UBFD1: variants seen among roughly 807,000 people sequenced by gnomAD.
UBFD1 encodes ubiquitin domain-containing protein UBFD1.
UBFD1 carries 12 observed loss-of-function variants against 35.1 expected under a neutral mutation model. The ratio of observed to expected loss-of-function variants is 0.34; its 90% confidence interval spans 0.22 to 0.55. UBFD1 has a LOEUF of 0.55. UBFD1 is among the 20% of genes least tolerant of loss of function. The probability of loss-of-function intolerance (pLI) is 0.89; values close to 1 mark genes in which losing one functional copy is unlikely to be tolerated. For synonymous variants in UBFD1, 178 were observed against 167.6 expected, an observed-to-expected ratio of 1.06 and a Z score of -0.48; for missense variants, 337 against 410.8, an observed-to-expected ratio of 0.82 and a Z score of 1.55.
intron 5 of UBFD1, chr16:23,565,316 A>T (rs532128731): frequency 6.6e-6 from 1 of 152,348 alleles, no homozygotes; most frequent in South Asian, 2.1e-4. Flanking sequence ...CAGTTCTAAC[A>T]GCCTCAAAAG....
intron 2 of UBFD1, chr16:23,559,245 C>G: frequency 4.4e-6 from 2 of 454,384 alleles, no homozygotes; most frequent in Non-Finnish European, 4.0e-6. Flanking sequence ...CCGCATTGGT[C>G]TCTTAATCCT....
At chr16:23,562,558 G>A (rs1458118790) in intron 4 of UBFD1, 67 bp from the exon 5 acceptor site, 5 of 1,472,938 alleles carry the variant, frequency 3.4e-6, no homozygotes, top group Admixed American at 3.8e-5. Flanking sequence ...GTGAGCCACC[G>A]CGCTTGGCCC....
At chr16:23,564,607 G>A (rs1256037895) in intron 5 of UBFD1, 4 of 152,198 alleles carry the variant, frequency 2.6e-5, no homozygotes, top group African/African-American at 4.8e-5. Flanking sequence ...TAGACTTCCT[G>A]CCTCTTGCTG....
chr16:23,562,648 G>C lies in UBFD1; in HGVS notation c.654G>C (p.Leu218=), dbSNP rs775275087. Residue 218 remains leucine (L), a synonymous_variant, in exon 5 of 7, where the codon CTG becomes CTC. Transcript: ENST00000395878. ...AGGAGCGCCTGCCAACGGTACCGCT[G>C]TCCGGCATGTACAATAAATCTGGAG... is the stretch of plus-strand genomic sequence containing the variant. The part of the protein sequence containing the change: ...GAQERLPTVP[L]SGMYNKSGGK... 3.1e-6 allele frequency: 5 copies of C among 1,614,032 alleles called. No homozygotes were observed. The East Asian group carries it at 1.1e-4, about 36-fold the overall frequency.
intron 3 of UBFD1, chr16:23,559,877 G>A: frequency 2.0e-6 from 3 of 1,532,012 alleles, no homozygotes; most frequent in Non-Finnish European, 2.6e-6. Context: ...GGGTCAGTGT[G>A]TCTCAAGTCT....
chr16:23,570,718 T>G lies in UBFD1; in HGVS notation c.*128T>G. 2.9e-6 allele frequency: 2 copies of G among 695,176 alleles called. No homozygotes were observed. The highest frequency in any genetic ancestry group is 4.7e-6 in the Non-Finnish European group (2 of 424,414). 43.1% of individuals were successfully genotyped at this position (695,176 alleles called of 1,614,324 possible). On this transcript the variant is annotated 3_prime_UTR_variant, in exon 7 of 7. Coordinates refer to ENST00000395878, the MANE Select transcript of UBFD1 (RefSeq NM_019116.3). ...TAAAAAATCTATATTCAATCTGAGGTGATGTGGTGACTGAAGCCAGAGGTG... is the reference window on the plus strand; with the variant it reads ...TAAAAAATCTATATTCAATCTGAGGGGATGTGGTGACTGAAGCCAGAGGTG...
In UBFD1 at chr16:23,573,828, G is replaced by A. The variant is rs1664549259; in HGVS notation, c.*3238G>A. The stretch of plus-strand genomic sequence containing the variant: ...GCCCAGCCTTTCTTTGCCAGGGGCA[G>A]AGAAGGGAAAGGGGGTAGATTGAGT... On this transcript the variant is annotated 3_prime_UTR_variant, in exon 7 of 7. Transcript: ENST00000395878. 6.6e-6 allele frequency: 1 copy of A among 152,592 alleles called. No individual in the cohort carries two copies. The highest frequency in any genetic ancestry group is 1.5e-5 in the Non-Finnish European group (1 of 68,072). The allele number at this position is 152,592 out of a possible 1,614,324, so 9.5% of individuals were successfully genotyped here.
At chr16:23,557,910 C>G (rs1444814043) in intron 1 of UBFD1, 40 bp from the exon 2 acceptor site, 14 of 1,288,216 alleles carry the variant, frequency 1.1e-5, no homozygotes, top group Admixed American at 4.0e-5. Context: ...GTTCCCAAGC[C>G]CAGCCCGCGG....
chr16:23,558,109 C>T lies in UBFD1; in HGVS notation c.185C>T (p.Pro62Leu), dbSNP rs1448129041. 6.3e-7 allele frequency: 1 copy of T among 1,577,686 alleles called. No individual in the cohort carries two copies. Among genetic ancestry groups the T allele is most frequent in the South Asian group, 1.1e-5 (1 of 87,228 alleles). ...GSLQPAPAQP[P>L]GDPAAQASVS... ...CTGCAGCCGGCCCCGGCCCAGCCCCCTGGGGACCCCGCAGCCCAGGCCTCG... is the reference window on the plus strand; with the variant it reads ...CTGCAGCCGGCCCCGGCCCAGCCCCTTGGGGACCCCGCAGCCCAGGCCTCG... Residue 62 changes from proline (P) to leucine (L), a missense_variant, in exon 2 of 7, where the codon CCT becomes CTT. This residue lies in a region of UBFD1 where 198 missense variants were observed against 168.4 expected (regional missense o/e 1.18). Transcript: ENST00000395878.
At chr16:23,560,886 A>G (rs1965923175) in intron 3 of UBFD1, among the ~76,000 whole-genome samples, 1 of 152,198 alleles carries the variant, frequency 6.6e-6, no homozygotes, top group Non-Finnish European at 1.5e-5. Context: ...TTCTTCTCAT[A>G]TTCCTGTTTT....
At chr16:23,565,780 C>G (rs1309363557) in intron 5 of UBFD1, 1 of 152,196 alleles carries the variant, frequency 6.6e-6, no homozygotes, top group East Asian at 1.9e-4. Flanking sequence ...CTCTATCTTT[C>G]CAGATTTTTC....
rs1294038422 is a variant in UBFD1 at position 23,571,274 on chromosome 16, G to C, written c.*684G>C. The C allele has an allele frequency of 2.0e-5, 3 of 152,832 alleles. No homozygotes were observed. The East Asian group carries it at 5.8e-4, about 29-fold the overall frequency. 9.5% of individuals were successfully genotyped at this position (152,832 alleles called of 1,614,324 possible). A position where few individuals can be genotyped will look rare whatever the true frequency, so the allele number is the denominator to read the frequency against. Reference sequence around the variant, plus strand: ...TGCTGCCTGTGAACGCACGGTGGGAGAGGAAGAGCTGCTCAGTCTTGGGCA... The same window carrying C: ...TGCTGCCTGTGAACGCACGGTGGGACAGGAAGAGCTGCTCAGTCTTGGGCA... On this transcript the variant is annotated 3_prime_UTR_variant, in exon 7 of 7. Transcript: ENST00000395878.
In UBFD1 at chr16:23,562,662, A is replaced by G; in HGVS notation, c.668A>G (p.Asn223Ser). The G allele has an allele frequency of 6.2e-7, 1 of 1,614,172 alleles. No individual in the cohort carries two copies. The highest frequency in any genetic ancestry group is 8.5e-7 in the Non-Finnish European group (1 of 1,180,028). ...LPTVPLSGMY[N>S]KSGGKVRLTF... ...ACGGTACCGCTGTCCGGCATGTACA[A>G]TAAATCTGGAGGAAAAGTGAGACTC... Residue 223 changes from asparagine (N) to serine (S), a missense_variant, in exon 5 of 7, where the codon AAT becomes AGT. By Grantham distance (46) the Asn-to-Ser change is conservative. Around this residue, in one of 4 missense-constraint regions of UBFD1, gnomAD observed 71 missense variants for 149.6 expected, o/e 0.47. Transcript: ENST00000395878.
rs1255032102 is a variant in UBFD1 at position 23,557,975 on chromosome 16, G to C, written c.51G>C (p.Thr17=). The change falls in exon 2 of 7, where the codon ACG becomes ACC. Residue 17 remains threonine (T), a synonymous_variant. Coordinates refer to ENST00000395878, the MANE Select transcript of UBFD1 (RefSeq NM_019116.3). ...PDGMEEPGMD[T]EAETVATEAP... ...GCATGGAGGAACCTGGCATGGACAC[G>C]GAGGCCGAGACTGTGGCTACTGAGG... The C allele has an allele frequency of 7.3e-7, 1 of 1,364,784 alleles. No homozygotes were observed. Among genetic ancestry groups the C allele is most frequent in the East Asian group, 2.8e-5 (1 of 35,352 alleles). The allele number at this position is 1,364,784 out of a possible 1,614,324, so 84.5% of individuals were successfully genotyped here. A position where few individuals can be genotyped will look rare whatever the true frequency, so the allele number is the denominator to read the frequency against.
chr16:23,558,014 C>G lies in UBFD1; in HGVS notation c.90C>G (p.Pro30=). 9.6e-6 allele frequency: 13 copies of G among 1,358,958 alleles called. No individual in the cohort carries two copies. Among genetic ancestry groups the G allele is most frequent in the Non-Finnish European group, 1.1e-5 (12 of 1,059,978 alleles). 84.2% of individuals were successfully genotyped at this position (1,358,958 alleles called of 1,614,324 possible). A position where few individuals can be genotyped will look rare whatever the true frequency, so the allele number is the denominator to read the frequency against. Residue 30 remains proline (P), a synonymous_variant, in exon 2 of 7, where the codon CCC becomes CCG. Transcript: ENST00000395878. ...TGGCTACTGAGGCTCCCGCGCGGCCCGTCAACTGCCTGGAGGCTGAAGCCG... is the reference window on the plus strand; with the variant it reads ...TGGCTACTGAGGCTCCCGCGCGGCCGGTCAACTGCCTGGAGGCTGAAGCCG... ...ETVATEAPAR[P]VNCLEAEAAA... is the part of the protein sequence containing the mutation.
Position 23,561,184 on chromosome 16 carries a change from C to T in UBFD1, c.565-1022C>T, listed in dbSNP as rs987050638. On this transcript the variant is annotated intron_variant, in intron 3 of 6. Coordinates refer to ENST00000395878, the MANE Select transcript of UBFD1 (RefSeq NM_019116.3). ...GGGATATAGTCCCTTGCCTTTTTACCAGCTTATTAAGGGGTCTGGGGGTGA... is the reference window on the plus strand; with the variant it reads ...GGGATATAGTCCCTTGCCTTTTTACTAGCTTATTAAGGGGTCTGGGGGTGA... Among the ~76,000 whole-genome samples, 35 of 152,264 alleles carry T rather than the reference C, an allele frequency of 2.3e-4. 1 individual carries two copies. The highest frequency in any genetic ancestry group is 7.2e-4 in the African/African-American group (30 of 41,550).
intron 5 of UBFD1, chr16:23,564,519 G>A (rs1378175644): frequency 2.0e-5 from 3 of 152,190 alleles, no homozygotes; most frequent in Non-Finnish European, 4.4e-5. Flanking sequence ...TTTATCAGTA[G>A]TAAGCTGCCC....
intron 1 of UBFD1, 91 bp downstream of exon 1, chr16:23,557,858 G>T: frequency 1.6e-6 from 2 of 1,269,108 alleles, no homozygotes; most frequent in South Asian, 7.0e-5. Flanking sequence ...AGGGAGAACC[G>T]CGGCTCGGGA....
intron 2 of UBFD1, 36 bp downstream of exon 2, chr16:23,558,315 C>A (rs377269510): frequency 3.1e-6 from 5 of 1,592,346 alleles, no homozygotes; most frequent in Non-Finnish European, 4.3e-6. Context: ...GTCTTCCCCA[C>A]CCCGCCTCCT....
Sources: gnomAD v4.1 joint callset for allele counts (sites outside exome capture counted in the v4.1 genomes callset) on GRCh38, gnomAD v4.1.1 for gene constraint, gnomAD v4.1.1 regional missense constraint, MANE v1.5 for transcripts, NCBI Gene and HGNC (gene_info 2026-07-23, HGNC 2026-07-21) for gene names.